The following NEDD4L variants were observed in gnomAD, a reference collection of about 807,000 sequenced individuals.
NEDD4L encodes the protein E3 ubiquitin-protein ligase NEDD4-like.
In NEDD4L, 54 loss-of-function variants were observed where a neutral mutation model predicts 148.9. The observed-to-expected ratio is 0.36, with a 90% confidence interval of 0.29 to 0.45. NEDD4L has a LOEUF of 0.45. NEDD4L is among the 20% of genes least tolerant of loss of function. The pLI is 1.00. For synonymous variants in NEDD4L, 433 were observed against 440.7 expected (o/e 0.98, Z 0.22); for missense variants, 856 against 1,233.8 (o/e 0.69, Z 4.59).
chr18:58,234,097 C>CTTTTCTTTTCTTTTCTTTTCT (rs61539118), intron 2 of NEDD4L, among the ~76,000 whole-genome samples: 1 of 83,358 alleles, frequency 1.2e-5, no homozygotes, highest in African/African-American at 6.2e-5. Flanking sequence ...TTCTTTCTTT[C>CTTTTCTTTTCTTTTCTTTTCT]TTTCTTTTCT....
chr18:58,077,778 G>A (rs768854480), intron 1 of NEDD4L, among the ~76,000 whole-genome samples: 1 of 152,128 alleles, frequency 6.6e-6, no homozygotes, highest in African/African-American at 2.4e-5. Context: ...TGACCATAGA[G>A]CTCCATTTTT....
At chr18:58,352,978 G>A (rs764065259) in intron 18 of NEDD4L, among the ~76,000 whole-genome samples, 8 of 152,240 alleles carry the variant, frequency 5.3e-5, no homozygotes, top group Non-Finnish European at 7.3e-5. Context: ...CACTTGTGGT[G>A]TCATAGACCT....
rs762521389 is a variant in NEDD4L at position 58,325,127 on chromosome 18, C to T, written c.645C>T (p.Asn215=). 6.2e-7 allele frequency: 1 copy of T among 1,614,052 alleles called. No homozygotes were observed. The highest frequency in any genetic ancestry group is 1.7e-5 in the Admixed American group (1 of 60,034). The change falls in exon 9 of 31, where the codon AAC becomes AAT. Residue 215 remains asparagine (N), a synonymous_variant. Coordinates refer to ENST00000400345, the MANE Select transcript of NEDD4L (RefSeq NM_001144967.3). ...NLGRTYYVNH[N]NRTTQWHRPS... ...GCCGAACTTACTATGTCAACCACAACAACCGGACCACTCAGTGGCACAGAC... is the reference window on the plus strand; with the variant it reads ...GCCGAACTTACTATGTCAACCACAATAACCGGACCACTCAGTGGCACAGAC...
Position 58,209,195 on chromosome 18 carries a change from A to C in NEDD4L, c.123-36232A>C, listed in dbSNP as rs939665958. ...CATCCTGCCCCCCTCCTCTTCCTCC[A>C]CCTCCTCCTCCTCCCTTACCTCCTC... On this transcript the variant is annotated intron_variant, in intron 2 of 30. Transcript: ENST00000400345. 1.9e-3 allele frequency among the ~76,000 whole-genome samples: 20 copies of C among 10,622 alleles called. 2 individuals carry two copies. Among genetic ancestry groups the C allele is most frequent in the Non-Finnish European group, 4.9e-3 (16 of 3,276 alleles). 7.0% of individuals were successfully genotyped at this position (10,622 alleles called of 152,430 possible). A position where few individuals can be genotyped will look rare whatever the true frequency, so the allele number is the denominator to read the frequency against.
intron 10 of NEDD4L, 22 bp from the exon 11 acceptor site, chr18:58,330,716 C>G: frequency 6.5e-7 from 1 of 1,527,998 alleles, no homozygotes; most frequent in South Asian, 1.3e-5. Context: ...AGTGTTTACC[C>G]CAGTGTCTCC....
chr18:58,230,415 TTC>T (rs2045012667), intron 2 of NEDD4L, among the ~76,000 whole-genome samples: 1 of 55,346 alleles, frequency 1.8e-5, no homozygotes. Flanking sequence ...GTGAAGCTTC[TTC>T]TTTTTTTTTT....
intron 5 of NEDD4L, among the ~76,000 whole-genome samples, chr18:58,288,791 A>G (rs752462822): frequency 5.3e-5 from 8 of 152,186 alleles, no homozygotes; most frequent in Non-Finnish European, 1.0e-4. Flanking sequence ...AGATACTGCA[A>G]ACTTGCTTCA....
At chr18:58,176,285 TC>T (rs2038140058) in intron 2 of NEDD4L, among the ~76,000 whole-genome samples, 1 of 151,890 alleles carries the variant, frequency 6.6e-6, no homozygotes, top group Non-Finnish European at 1.5e-5. Context: ...CCTCTCTCTC[TC>T]CTCCTCCTCC....
At chr18:58,084,671 T>TTGTG (rs55916532) in intron 1 of NEDD4L, among the ~76,000 whole-genome samples, 6,842 of 133,636 alleles carry the variant, frequency 0.051, 324 homozygotes, top group African/African-American at 0.12. Context: ...TGTGGGGTTT[T>TTGTG]TGTGTGTGTG....
Position 58,218,930 on chromosome 18 carries a change from T to G in NEDD4L, c.123-26497T>G, listed in dbSNP as rs73452684. ...TGTGAAGGCAGTGGTGGTAACATTG[T>G]GTTGGAGCTGGTGTGAGGGTTGAAT... is the stretch of plus-strand genomic sequence containing the variant. On this transcript the variant is annotated intron_variant, in intron 2 of 30. Coordinates refer to ENST00000400345, the MANE Select transcript of NEDD4L (RefSeq NM_001144967.3). Among the ~76,000 whole-genome samples the G allele has an allele frequency of 5.3e-3, 811 of 152,308 alleles. 5 individuals carry two copies. Among genetic ancestry groups the G allele is most frequent in the African/African-American group, 0.017 (716 of 41,542 alleles).
In NEDD4L at chr18:58,256,660, G is replaced by C; in HGVS notation, c.297+4606G>C. On this transcript the variant is annotated intron_variant, in intron 5 of 30. Coordinates refer to ENST00000400345, the MANE Select transcript of NEDD4L (RefSeq NM_001144967.3). The surrounding 1 kb of genome is among the most constrained non-coding windows in gnomAD (Gnocchi z 5.2). Reference sequence around the variant, plus strand: ...GCACATTTAAGATCAGGCAGGATCAGAACGCGGGGCAGCAGCATTTTAGAA... The same window carrying C: ...GCACATTTAAGATCAGGCAGGATCACAACGCGGGGCAGCAGCATTTTAGAA... The C allele has an allele frequency of 1.6e-6, 2 of 1,232,220 alleles. No individual in the cohort carries two copies. The highest frequency in any genetic ancestry group is 2.0e-6 in the Non-Finnish European group (2 of 988,018). The allele number at this position is 1,232,220 out of a possible 1,614,324, so 76.3% of individuals were successfully genotyped here.
At chr18:58,049,976 C>CAAA (rs34040455) in intron 1 of NEDD4L, among the ~76,000 whole-genome samples, 4 of 91,440 alleles carry the variant, frequency 4.4e-5, no homozygotes, top group African/African-American at 1.2e-4. Flanking sequence ...ACCCTGTCTC[C>CAAA]AAAAAAAAAA....
intron 19 of NEDD4L, 43 bp from the exon 20 acceptor site, chr18:58,364,225 G>T (rs1399251054): frequency 1.7e-6 from 2 of 1,168,174 alleles, no homozygotes; most frequent in Admixed American, 4.1e-5. Flanking sequence ...AAAATTTCAG[G>T]TGTATTGTTT....
chr18:58,133,041 A>G (rs2032372617), intron 1 of NEDD4L, among the ~76,000 whole-genome samples: 1 of 152,138 alleles, frequency 6.6e-6, no homozygotes, highest in Non-Finnish European at 1.5e-5. Flanking sequence ...GATTTCAGTT[A>G]TTCGTGATGT....
intron 1 of NEDD4L, among the ~76,000 whole-genome samples, chr18:58,068,981 A>G (rs1303765557): frequency 6.6e-6 from 1 of 152,122 alleles, no homozygotes; most frequent in East Asian, 1.9e-4. Context: ...TACTAAAAAT[A>G]TAAAAATTAG....
At chr18:58,367,455 T>A (rs1030387849) in intron 21 of NEDD4L, among the ~76,000 whole-genome samples, 1 of 152,172 alleles carries the variant, frequency 6.6e-6, no homozygotes, top group Non-Finnish European at 1.5e-5. Context: ...GTTTCTCATC[T>A]CCCCAAGATA....
At chr18:58,227,171 C>T (rs949428873) in intron 2 of NEDD4L, among the ~76,000 whole-genome samples, 3 of 152,170 alleles carry the variant, frequency 2.0e-5, no homozygotes, top group Admixed American at 2.0e-4. Flanking sequence ...ACCTGTCTCC[C>T]CTTGGTAAAA....
chr18:58,349,711 A>G (rs2043624534), intron 17 of NEDD4L, 97 bp downstream of exon 17: 1 of 928,666 alleles, frequency 1.1e-6, no homozygotes, highest in African/African-American at 1.6e-5. Context: ...CTCTATCTCC[A>G]GGCTTTGTGG....
At chr18:58,347,038 ATAT>A (rs2043159925) in intron 16 of NEDD4L, among the ~76,000 whole-genome samples, 3 of 152,094 alleles carry the variant, frequency 2.0e-5, no homozygotes, top group Admixed American at 1.3e-4. Flanking sequence ...TGATAAAATA[ATAT>A]TATAAGCCTC....
Sources: allele counts gnomAD v4.1 joint callset (sites outside exome capture counted in the v4.1 genomes callset), GRCh38; gene constraint gnomAD v4.1.1; non-coding constraint Gnocchi (gnomAD v3.1); transcripts MANE v1.5; gene names NCBI Gene and HGNC (gene_info 2026-07-23, HGNC 2026-07-21).